The following DCBLD2 variants were observed in gnomAD, a reference collection of about 807,000 sequenced individuals.
DCBLD2 encodes the protein discoidin, CUB and LCCL domain-containing protein 2.
Under a neutral mutation model 86.8 loss-of-function variants are expected in DCBLD2, and 54 were observed. The observed-to-expected ratio is 0.62, with a 90% CI of 0.50 to 0.78. The LOEUF (loss-of-function observed/expected upper bound fraction) is 0.78. DCBLD2 is among the 30% of genes least tolerant of loss of function. DCBLD2 has a pLI of 0.00. For missense variants in DCBLD2, 908 were observed against 954.2 expected, an observed-to-expected ratio of 0.95 and a Z score of 0.64; for synonymous variants, 354 against 341.3, an observed-to-expected ratio of 1.04 and a Z score of -0.41.
intron 8 of DCBLD2, among the ~76,000 whole-genome samples, chr3:98,818,197 C>G (rs1003952527): frequency 6.6e-6 from 1 of 152,062 alleles, no homozygotes; most frequent in Non-Finnish European, 1.5e-5. Flanking sequence ...TGGGAATGAA[C>G]AGATTAAAGA....
intron 1 of DCBLD2, among the ~76,000 whole-genome samples, chr3:98,890,635 C>T (rs1369056787): frequency 6.6e-6 from 1 of 152,056 alleles, no homozygotes; most frequent in Non-Finnish European, 1.5e-5. Context: ...CAGCATCTGG[C>T]ATTGCTGGCA....
chr3:98,898,367 C>T (rs1235136387), intron 1 of DCBLD2, among the ~76,000 whole-genome samples: 1 of 150,218 alleles, frequency 6.7e-6, no homozygotes, highest in Non-Finnish European at 1.5e-5. Context: ...AGAAAAAAGA[C>T]ACTGAAGCAC....
chr3:98,877,831 T>C (rs1234782349), intron 2 of DCBLD2, among the ~76,000 whole-genome samples: 1 of 152,028 alleles, frequency 6.6e-6, no homozygotes, highest in Non-Finnish European at 1.5e-5. Flanking sequence ...ACTCAAATAA[T>C]GATGAGGACA....
chr3:98,839,935 T>C (rs1942590692), intron 3 of DCBLD2, among the ~76,000 whole-genome samples: 1 of 151,936 alleles, frequency 6.6e-6, no homozygotes, highest in Non-Finnish European at 1.5e-5. Flanking sequence ...GGGAGTGAGG[T>C]GTTAGGTATT....
intron 1 of DCBLD2, among the ~76,000 whole-genome samples, chr3:98,894,891 A>T (rs1448070866): frequency 6.6e-6 from 1 of 152,146 alleles, no homozygotes; most frequent in East Asian, 1.9e-4. Context: ...CTCCGCTGGC[A>T]GGAATAAATA....
chr3:98,807,923 A>G, intron 13 of DCBLD2, 158 bp downstream of exon 13: 2 of 467,366 alleles, frequency 4.3e-6, no homozygotes, highest in Middle Eastern at 5.8e-4. Context: ...AATTGAACTT[A>G]TTTATTTTTA....
chr3:98,824,166 A>G (rs1942173214), intron 4 of DCBLD2, among the ~76,000 whole-genome samples: 1 of 152,204 alleles, frequency 6.6e-6, no homozygotes, highest in Non-Finnish European at 1.5e-5. Flanking sequence ...AGTATGGAAT[A>G]TATTTCTAAG....
At chr3:98,809,883 G>A (rs949747950) in intron 12 of DCBLD2, among the ~76,000 whole-genome samples, 4 of 152,124 alleles carry the variant, frequency 2.6e-5, no homozygotes, top group Non-Finnish European at 4.4e-5. Flanking sequence ...AATTCACAAC[G>A]GTAAATGTGC....
chr3:98,846,247 T>C (rs941203515), intron 3 of DCBLD2, among the ~76,000 whole-genome samples: 1 of 152,202 alleles, frequency 6.6e-6, no homozygotes, highest in Non-Finnish European at 1.5e-5. Context: ...ACAAATGAAG[T>C]AGCTGATGAA....
chr3:98,873,297 G>C (rs554412565), intron 2 of DCBLD2, among the ~76,000 whole-genome samples: 4 of 152,080 alleles, frequency 2.6e-5, no homozygotes, highest in East Asian at 3.9e-4. Context: ...TAAGTATATA[G>C]AAGACAGAAA....
At chr3:98,835,828 C>T (rs1313429741) in intron 3 of DCBLD2, among the ~76,000 whole-genome samples, 1 of 151,808 alleles carries the variant, frequency 6.6e-6, no homozygotes, top group Non-Finnish European at 1.5e-5. Flanking sequence ...GGGATTATAG[C>T]GTGAGCCACC....
rs537024076 is a variant in DCBLD2, at chr3:98,799,675, A to G, written c.2025T>C (p.Pro675=). Residue 675 remains proline, a synonymous_variant, in exon 16 of 16, where the codon CCT becomes CCC. Transcript: ENST00000326840. ...CCATGATGATTGGGGTTGCATACTC[A>G]GGCCCCGTAATTGGGAGTGGTTCAG... ...AYAEPLPITG[P]EYATPIIMDM... 6.2e-7 allele frequency: 1 copy of G among 1,614,006 alleles called. No homozygotes were observed. Among genetic ancestry groups the G allele is most frequent in the Non-Finnish European group, 8.5e-7 (1 of 1,179,880 alleles).
intron 3 of DCBLD2, among the ~76,000 whole-genome samples, chr3:98,843,776 T>C (rs1942664530): frequency 6.6e-6 from 1 of 152,146 alleles, no homozygotes; most frequent in Non-Finnish European, 1.5e-5. Flanking sequence ...CATCAGATTC[T>C]AAGGGGTGGC....
chr3:98,838,951 A>G (rs1942547406), intron 3 of DCBLD2, among the ~76,000 whole-genome samples: 1 of 150,796 alleles, frequency 6.6e-6, no homozygotes, highest in Non-Finnish European at 1.5e-5. Flanking sequence ...CAGGAGTATC[A>G]GGCAGGGAGG....
chr3:98,810,548 C>G (rs545429500), intron 12 of DCBLD2, among the ~76,000 whole-genome samples: 5 of 152,152 alleles, frequency 3.3e-5, no homozygotes, highest in African/African-American at 1.2e-4. Flanking sequence ...GACACTGACA[C>G]TTTTTTGAAT....
chr3:98,894,174 T>A (rs889297555), intron 1 of DCBLD2, among the ~76,000 whole-genome samples: 1 of 152,168 alleles, frequency 6.6e-6, no homozygotes, highest in Non-Finnish European at 1.5e-5. Flanking sequence ...AGGAAGCACC[T>A]GAGGCTAATG....
intron 1 of DCBLD2, among the ~76,000 whole-genome samples, chr3:98,899,254 CTTTT>C (rs1296529289): frequency 1.7e-5 from 2 of 118,440 alleles, no homozygotes; most frequent in Non-Finnish European, 1.7e-5. Flanking sequence ...CTGGCTATTT[CTTTT>C]TCTTTTTTTT....
chr3:98,836,078 A>T (rs1406363399), intron 3 of DCBLD2, among the ~76,000 whole-genome samples: 2 of 112,460 alleles, frequency 1.8e-5, no homozygotes, highest in East Asian at 2.2e-4. Context: ...GTGTGTGTGT[A>T]TGTAAACCTC....
chr3:98,855,227 G>A (rs1463669870), intron 2 of DCBLD2, among the ~76,000 whole-genome samples: 2 of 152,140 alleles, frequency 1.3e-5, no homozygotes, highest in Non-Finnish European at 2.9e-5. Context: ...GATAATAAAT[G>A]TATGAAAAGA....
Sources: gnomAD v4.1 joint callset for allele counts (sites outside exome capture counted in the v4.1 genomes callset) on GRCh38, gnomAD v4.1.1 for gene constraint, MANE v1.5 for transcripts, NCBI Gene and HGNC (gene_info 2026-07-23, HGNC 2026-07-21) for gene names.